NKAP: variants seen among roughly 807,000 people sequenced by gnomAD.
NKAP encodes NF-kappa-B-activating protein.
Under a neutral mutation model 35.6 loss-of-function variants are expected in NKAP, and 4 were observed. The ratio of observed to expected loss-of-function variants is 0.11; its 90% CI spans 0.06 to 0.26. The LOEUF (loss-of-function observed/expected upper bound fraction) is 0.26. Ranked by LOEUF, NKAP falls within the 10% of genes least tolerant of loss-of-function variation. The pLI is 1.00. For missense variants in NKAP, 238 were observed against 321.9 expected (o/e 0.74, Z 1.99); for synonymous variants, 106 against 119.2 (o/e 0.89, Z 0.72).
In NKAP at chrX:119,925,021, G is replaced by A. The variant is rs890809676; in HGVS notation, c.*199C>T. Reference sequence around the variant, plus strand: ...ATTTTTAAACCAGAAAGTTACTATGGTCAATCCAAAATAACCCAAAGAACT... The same window carrying A: ...ATTTTTAAACCAGAAAGTTACTATGATCAATCCAAAATAACCCAAAGAACT... On this transcript the variant is annotated 3_prime_UTR_variant, in exon 9 of 9. Transcript: ENST00000371410. The A allele has an allele frequency of 4.4e-6, 2 of 450,297 alleles. No homozygotes were observed. Among genetic ancestry groups the A allele is most frequent in the Non-Finnish European group, 3.6e-6 (1 of 274,371 alleles). The allele number at this position is 450,297 out of a possible 1,213,427, so 37.1% of individuals were successfully genotyped here.
chrX:119,925,014 T>G lies in NKAP; in HGVS notation c.*206A>C. 2.3e-6 allele frequency: 1 copy of G among 434,676 alleles called. No homozygotes were observed. Among genetic ancestry groups the G allele is most frequent in the Non-Finnish European group, 3.8e-6 (1 of 262,436 alleles). The allele number at this position is 434,676 out of a possible 1,213,427, so 35.8% of individuals were successfully genotyped here. On this transcript the variant is annotated 3_prime_UTR_variant, in exon 9 of 9. Transcript: ENST00000371410. Reference sequence around the variant, plus strand: ...AATTTGGATTTTTAAACCAGAAAGTTACTATGGTCAATCCAAAATAACCCA... The same window carrying G: ...AATTTGGATTTTTAAACCAGAAAGTGACTATGGTCAATCCAAAATAACCCA...
rs10577974 is a variant in NKAP at position 119,936,364 on chromosome X, CGAT to C, written c.603_605del (p.Ser202del). The C allele has an allele frequency of 0.064, 76,588 of 1,191,999 alleles. 2,366 individuals carry two copies. Among genetic ancestry groups the C allele is most frequent in the African/African-American group, 0.22 (12,416 of 55,958 alleles). Reference sequence around the variant, plus strand: ...CAGAATACTTCTTATGTTTTCTTTTCGATGATTTTTTCTTTCTCCTTTTCTTGG... The same window carrying C: ...CAGAATACTTCTTATGTTTTCTTTTCGATTTTTTCTTTCTCCTTTTCTTGG... On this transcript the variant is annotated inframe_deletion, in exon 4 of 9. Coordinates refer to ENST00000371410, the MANE Select transcript of NKAP (RefSeq NM_024528.4).
rs1231020804 is a variant in NKAP at position 119,923,395 on chromosome X, G to C, written c.*1825C>G. 3 of 112,142 alleles carry C rather than the reference G, an allele frequency of 2.7e-5. No homozygotes were observed. Among genetic ancestry groups the C allele is most frequent in the African/African-American group, 6.5e-5 (2 of 30,954 alleles). The allele number at this position is 112,142 out of a possible 1,213,427, so 9.2% of individuals were successfully genotyped here. ...TAAAAACAAACAGAAAGGTTTAAGT[G>C]TTTAAAATGAAATCTACTTAGTATA... On this transcript the variant is annotated 3_prime_UTR_variant, in exon 9 of 9. Coordinates refer to ENST00000371410, the MANE Select transcript of NKAP (RefSeq NM_024528.4).
At chrX:119,932,293 T>A (rs923630363) in intron 5 of NKAP, 77 bp from the exon 6 acceptor site, 3 of 732,319 alleles carry the variant, frequency 4.1e-6, no homozygotes, top group African/African-American at 4.3e-5. Flanking sequence ...CTTTTCTTTT[T>A]AAATTTTGAA....
chrX:119,943,568 T>C lies in NKAP; in HGVS notation c.38A>G (p.Glu13Gly). 1 of 1,196,217 alleles carries C rather than the reference T, an allele frequency of 8.4e-7. No individual in the cohort carries two copies. The highest frequency in any genetic ancestry group is 1.1e-6 in the Non-Finnish European group (1 of 886,044). ...PVSGSRSPDR[E>G]ASGSGGRRRS... ...ACGTCTTCCCCCCGAGCCCGAGGCC[T>C]CCCTATCCGGGCTGCGTGAGCCGGA... The change falls in exon 1 of 9, where the codon GAG becomes GGG. Residue 13 changes from glutamate (E) to glycine (G), a missense_variant. By Grantham distance (98) the Glu-to-Gly change is moderately conservative. Transcript: ENST00000371410.
Position 119,943,497 on chromosome X carries a change from G to A in NKAP, c.109C>T (p.Pro37Ser). Reference sequence around the variant, plus strand: ...TGCGAGCGAGAGCGGCGGCCCCGCGGGGAGCGGGCAGATTTGCTGGGCTTC... The same window carrying A: ...TGCGAGCGAGAGCGGCGGCCCCGCGAGGAGCGGGCAGATTTGCTGGGCTTC... ...SPKPSKSARS[P>S]RGRRSRSHSC... Residue 37 changes from proline (P) to serine (S), a missense_variant, in exon 1 of 9, where the codon CCG (proline) becomes TCG (serine). By Grantham distance (74) the Pro-to-Ser change is moderately conservative (BLOSUM62 -1). Transcript: ENST00000371410. The A allele has an allele frequency of 1.7e-6, 2 of 1,211,484 alleles. No homozygotes were observed. Among genetic ancestry groups the A allele is most frequent in the South Asian group, 1.8e-5 (1 of 56,970 alleles).
intron 1 of NKAP, 54 bp downstream of exon 1, chrX:119,943,166 G>C (rs2056801490): frequency 1.8e-6 from 2 of 1,130,356 alleles, no homozygotes; most frequent in African/African-American, 1.8e-5. Context: ...ATGATAGATC[G>C]GACTCCAAAG....
chrX:119,931,622 T>A (rs1440779374), intron 7 of NKAP, among the ~76,000 whole-genome samples: 1 of 111,460 alleles, frequency 9.0e-6, no homozygotes, highest in Non-Finnish European at 1.9e-5. Flanking sequence ...AGGGGAAGTA[T>A]TGGGAATCAG....
At position 119,943,664 on chromosome X, in the gene NKAP, G is replaced by A; in HGVS notation, c.-59C>T. 12 of 1,110,028 alleles carry A rather than the reference G, an allele frequency of 1.1e-5. No individual in the cohort carries two copies. The South Asian group carries it at 2.4e-4, about 22-fold the overall frequency. 91.5% of individuals were successfully genotyped at this position (1,110,028 alleles called of 1,213,427 possible). On this transcript the variant is annotated 5_prime_UTR_variant, in exon 1 of 9. Coordinates refer to ENST00000371410, the MANE Select transcript of NKAP (RefSeq NM_024528.4). Reference sequence around the variant, plus strand: ...GGGGGCGCTCTCGCGAGCCTAGGAAGATGTCTGTTGCCTTGGTTCCCGGGA... The same window carrying A: ...GGGGGCGCTCTCGCGAGCCTAGGAAAATGTCTGTTGCCTTGGTTCCCGGGA...
chrX:119,942,531 TGATTA>T (rs1279623056), intron 1 of NKAP, among the ~76,000 whole-genome samples: 1 of 111,514 alleles, frequency 9.0e-6, no homozygotes, highest in Non-Finnish European at 1.9e-5. Context: ...ATACTCACTT[TGATTA>T]GAGATCTAGT....
intron 8 of NKAP, among the ~76,000 whole-genome samples, chrX:119,926,177 C>T (rs1292995620): frequency 9.7e-6 from 1 of 102,595 alleles, no homozygotes; most frequent in African/African-American, 3.6e-5. Context: ...AGGATGGTCT[C>T]GATCTCCTGA....
intron 1 of NKAP, chrX:119,942,813 A>G (rs2056799626): frequency 8.2e-6 from 1 of 122,395 alleles, no homozygotes; most frequent in Non-Finnish European, 1.7e-5. Context: ...CCTATAAAGT[A>G]CCAGGCACTT....
chrX:119,932,388 G>A, intron 5 of NKAP, 172 bp from the exon 6 acceptor site: 1 of 342,082 alleles, frequency 2.9e-6, no homozygotes, highest in Non-Finnish European at 5.0e-6. Flanking sequence ...AAACTTACAA[G>A]ATAATTTTAC....
At position 119,922,872 on chromosome X, in the gene NKAP, T is replaced by A. The variant is rs374774283; in HGVS notation, c.*2348A>T. 1 of 111,752 alleles carries A rather than the reference T, an allele frequency of 8.9e-6. No homozygotes were observed. The highest frequency in any genetic ancestry group is 3.7e-4 in the South Asian group (1 of 2,704). The allele number at this position is 111,752 out of a possible 1,213,427, so 9.2% of individuals were successfully genotyped here. A position where few individuals can be genotyped will look rare whatever the true frequency, so the allele number is the denominator to read the frequency against. On this transcript the variant is annotated 3_prime_UTR_variant, in exon 9 of 9. Transcript: ENST00000371410. ...CAGAATGTCCTTATCACTCAGGTAA[T>A]TTAAATTTATCATAGGCATGTAATA... is the stretch of plus-strand genomic sequence containing the variant.
In NKAP at chrX:119,924,406, T is replaced by C. The variant is rs1260849424; in HGVS notation, c.*814A>G. 9.0e-6 allele frequency: 1 copy of C among 111,282 alleles called. No homozygotes were observed. Among genetic ancestry groups the C allele is most frequent in the Non-Finnish European group, 1.9e-5 (1 of 53,019 alleles). The allele number at this position is 111,282 out of a possible 1,213,427, so 9.2% of individuals were successfully genotyped here. ...TATTCATAATTTGGATTTTTTTTTTTTGAGACAGAGTTTCACTCTTCTTGC... is the reference window on the plus strand; with the variant it reads ...TATTCATAATTTGGATTTTTTTTTTCTGAGACAGAGTTTCACTCTTCTTGC... On this transcript the variant is annotated 3_prime_UTR_variant, in exon 9 of 9. Coordinates refer to ENST00000371410, the MANE Select transcript of NKAP (RefSeq NM_024528.4).
chrX:119,925,837 C>T (rs761390630), intron 8 of NKAP, among the ~76,000 whole-genome samples: 32 of 109,560 alleles, frequency 2.9e-4, no homozygotes, highest in African/African-American at 9.6e-4. Context: ...CGTGAGCCAC[C>T]GTGCCCGGCC....
intron 8 of NKAP, among the ~76,000 whole-genome samples, chrX:119,925,973 G>A (rs1287014321): frequency 8.7e-5 from 5 of 57,314 alleles, no homozygotes; most frequent in Non-Finnish European, 1.5e-4. Flanking sequence ...TTTTTGAGAC[G>A]GAGTCTCGCT....
At chrX:119,940,152 A>G (rs1425302198) in intron 1 of NKAP, among the ~76,000 whole-genome samples, 1 of 110,606 alleles carries the variant, frequency 9.0e-6, no homozygotes, top group African/African-American at 3.3e-5. Flanking sequence ...CCTGGCCAAC[A>G]TGGTAAAACC....
chrX:119,936,784 T>G (rs1390330235), intron 2 of NKAP, 102 bp from the exon 3 acceptor site: 2 of 599,710 alleles, frequency 3.3e-6, no homozygotes, highest in African/African-American at 2.3e-5. Flanking sequence ...CAGCATCGAT[T>G]GTCCAAGAAC....
Sources: allele counts gnomAD v4.1 joint callset (sites outside exome capture counted in the v4.1 genomes callset), GRCh38; gene constraint gnomAD v4.1.1; transcripts MANE v1.5; gene names NCBI Gene and HGNC (gene_info 2026-07-23, HGNC 2026-07-21).